The following URB2 variants were observed in gnomAD, a reference collection of about 807,000 sequenced individuals.
The protein encoded by URB2 is unhealthy ribosome biogenesis protein 2 homolog.
URB2 carries 86 observed loss-of-function variants against 120.9 expected under a neutral mutation model. That is an observed-to-expected ratio of 0.71 (90% CI 0.60 to 0.85). URB2 has a LOEUF of 0.85. Ranked by LOEUF, URB2 falls within the 40% of genes least tolerant of loss-of-function variation. URB2 has a pLI of 0.00. For missense variants in URB2, 1,765 were observed against 1,836.5 expected, an observed-to-expected ratio of 0.96 and a Z score of 0.71; for synonymous variants, 755 against 758.4, an observed-to-expected ratio of 1.00 and a Z score of 0.07.
chr1:229,637,075 G>T lies in URB2; in HGVS notation c.2462G>T (p.Ser821Ile). 1 of 1,613,972 alleles carries T rather than the reference G, an allele frequency of 6.2e-7. No individual in the cohort carries two copies. Among genetic ancestry groups the T allele is most frequent in the African/African-American group, 1.3e-5 (1 of 75,052 alleles). Reference protein sequence around the residue: ...FLTCVTTSCSSILCSGAQRDS... With the variant: ...FLTCVTTSCSIILCSGAQRDS... ...ACGTGCGTAACCACAAGTTGCTCCA[G>T]CATTCTGTGTTCTGGTGCCCAGCGT... The change falls in exon 4 of 10, where the codon AGC becomes ATC. Residue 821 changes from serine (S) to isoleucine (I), a missense_variant. Coordinates refer to ENST00000258243, the MANE Select transcript of URB2 (RefSeq NM_014777.4).
chr1:229,635,032 C>T lies in URB2; in HGVS notation c.419C>T (p.Thr140Met), dbSNP rs150755656. Residue 140 changes from threonine to methionine, a missense_variant, in exon 4 of 10, where the codon ACG becomes ATG. Coordinates refer to ENST00000258243, the MANE Select transcript of URB2 (RefSeq NM_014777.4). ...LSTPALAVIYTAKQELMVALL... is the reference protein window; with the variant it reads ...LSTPALAVIYMAKQELMVALL... Reference sequence around the variant, plus strand: ...ACACCTGCCCTGGCTGTCATCTACACGGCCAAACAGGAGCTGATGGTGGCC... The same window carrying T: ...ACACCTGCCCTGGCTGTCATCTACATGGCCAAACAGGAGCTGATGGTGGCC... 8.4e-5 allele frequency: 135 copies of T among 1,613,984 alleles called. No homozygotes were observed. The highest frequency in any genetic ancestry group is 1.0e-4 in the Non-Finnish European group (122 of 1,179,970).
In URB2 at chr1:229,632,288, G is replaced by T; in HGVS notation, c.146G>T (p.Arg49Ile). 6.4e-7 allele frequency: 1 copy of T among 1,570,734 alleles called. No homozygotes were observed. The highest frequency in any genetic ancestry group is 1.2e-5 in the South Asian group (1 of 80,914). Residue 49 changes from arginine to isoleucine, a missense_variant, in exon 3 of 10, where the codon AGA (arginine) becomes ATA (isoleucine). Coordinates refer to ENST00000258243, the MANE Select transcript of URB2 (RefSeq NM_014777.4). ...ATTCAGGTGTTACTTGATTGGGCAA[G>T]ACAATCATTGGTTGCATTTTATAAG... ...NKEQVLLDWA[R>I]QSLVAFYKKK...
rs1334464495 is a variant in URB2 at position 229,637,815 on chromosome 1, G to T, written c.3202G>T (p.Gly1068Ter). The change falls in exon 4 of 10, where the codon GGA becomes TGA. Residue 1068 changes from glycine to a stop codon, truncating the protein, a stop_gained. Transcript: ENST00000258243. LOFTEE classifies it high-confidence loss of function. The part of the protein sequence containing the change: ...VSLTRLCHVL[G>*]PFLKEQKLGQ... ...TTTAACCAGGTTGTGCCATGTCCTG[G>T]GACCTTTCCTCAAAGAGCAGAAGCT... The T allele has an allele frequency of 1.9e-6, 3 of 1,611,510 alleles. No homozygotes were observed. The highest frequency in any genetic ancestry group is 1.7e-5 in the Admixed American group (1 of 59,386).
At position 229,647,620 on chromosome 1, in the gene URB2, C is replaced by A; in HGVS notation, c.4017C>A (p.Asn1339Lys). 3 of 1,614,190 alleles carry A rather than the reference C, an allele frequency of 1.9e-6. No individual in the cohort carries two copies. Among genetic ancestry groups the A allele is most frequent in the Non-Finnish European group, 2.5e-6 (3 of 1,180,038 alleles). ...LLRQGEEAIG[N>K]PHHVSLAFSI... ...GGCAGGGGGAGGAGGCCATCGGCAA[C>A]CCCCACCACGTCAGCCTGGCCTTCA... Residue 1339 changes from asparagine to lysine, a missense_variant, in exon 7 of 10, where the codon AAC (asparagine) becomes AAA (lysine). Coordinates refer to ENST00000258243, the MANE Select transcript of URB2 (RefSeq NM_014777.4).
In URB2 at chr1:229,647,429, C is replaced by T. The variant is rs1037825061; in HGVS notation, c.3907-81C>T. The T allele has an allele frequency of 8.0e-6, 12 of 1,509,380 alleles. No individual in the cohort carries two copies. In the African/African-American group the frequency reaches 1.7e-4, roughly 21 times the overall value. 93.5% of individuals were successfully genotyped at this position (1,509,380 alleles called of 1,614,324 possible). ...TTTTGGAGCACAGACATTTCTACCT[C>T]AGTCACTCAGAGCTGCAGTGTTTGT... On this transcript the variant is annotated intron_variant, in intron 6 of 9. Transcript: ENST00000258243.
At chr1:229,648,065 C>G (rs553475893) in intron 7 of URB2, among the ~76,000 whole-genome samples, 1 of 152,278 alleles carries the variant, frequency 6.6e-6, no homozygotes, top group African/African-American at 2.4e-5. Context: ...AGAGTGCTGA[C>G]ATCATGCTAC....
At position 229,626,258 on chromosome 1, in the gene URB2, TC is replaced by T. The variant is rs1192205582; in HGVS notation, c.-110del. 6.6e-6 allele frequency: 1 copy of T among 152,372 alleles called. No individual in the cohort carries two copies. The highest frequency in any genetic ancestry group is 1.5e-5 in the Non-Finnish European group (1 of 68,576). 9.4% of individuals were successfully genotyped at this position (152,372 alleles called of 1,614,324 possible). On this transcript the variant is annotated 5_prime_UTR_variant, in exon 1 of 10. Coordinates refer to ENST00000258243, the MANE Select transcript of URB2 (RefSeq NM_014777.4). Reference sequence around the variant, plus strand: ...GGGACGCGGGACCCGTACAGCGGCCTCCGCCGCACCGGGACAGCAGCCGCCG... The same window carrying T: ...GGGACGCGGGACCCGTACAGCGGCCTCGCCGCACCGGGACAGCAGCCGCCG...
chr1:229,647,071 T>C (rs1666163435), intron 6 of URB2, among the ~76,000 whole-genome samples: 1 of 152,114 alleles, frequency 6.6e-6, no homozygotes, highest in Non-Finnish European at 1.5e-5. Flanking sequence ...TGATGATGCG[T>C]GTGGTAGGCC....
intron 1 of URB2, among the ~76,000 whole-genome samples, 173 bp downstream of exon 1, chr1:229,626,529 C>G (rs1467512): frequency 0.56 from 85,530 of 152,268 alleles, 24,308 homozygotes; most frequent in East Asian, 0.77. Context: ...GGAGCGGCTT[C>G]GGCACGCTCC....
Position 229,629,185 on chromosome 1 carries a change from C to T in URB2, c.126+1426C>T, listed in dbSNP as rs149917617. Among the ~76,000 whole-genome samples the T allele has an allele frequency of 3.3e-3, 508 of 152,308 alleles. 2 individuals are homozygous for T. Among genetic ancestry groups the T allele is most frequent in the Non-Finnish European group, 5.6e-3 (379 of 68,026 alleles). On this transcript the variant is annotated intron_variant, in intron 2 of 9. Coordinates refer to ENST00000258243, the MANE Select transcript of URB2 (RefSeq NM_014777.4). ...AACCTGTATAGATAGGCACAGTCCTCCTTTTCATAAAGCACTTGTATGATT... is the reference window on the plus strand; with the variant it reads ...AACCTGTATAGATAGGCACAGTCCTTCTTTTCATAAAGCACTTGTATGATT...
Position 229,634,995 on chromosome 1 carries a change from G to C in URB2, c.382G>C (p.Gly128Arg). 1 of 1,607,770 alleles carries C rather than the reference G, an allele frequency of 6.2e-7. No homozygotes were observed. Among genetic ancestry groups the C allele is most frequent in the Non-Finnish European group, 8.5e-7 (1 of 1,175,910 alleles). ...NICAVLRCCQ[G>R]ILSTPALAVI... ...CTGTGCTGTCCTTCGATGTTGCCAG[G>C]GCATCCTGTCGACACCTGCCCTGGC... Residue 128 changes from glycine (G) to arginine (R), a missense_variant, in exon 4 of 10, where the codon GGC (glycine) becomes CGC (arginine). Transcript: ENST00000258243.
chr1:229,640,503 C>T (rs1665978725), intron 4 of URB2, among the ~76,000 whole-genome samples: 1 of 152,014 alleles, frequency 6.6e-6, no homozygotes, highest in Admixed American at 6.5e-5. Context: ...GAGGTGAGGT[C>T]TGGAAGTCAG....
chr1:229,632,176 G>T, intron 2 of URB2, 93 bp from the exon 3 acceptor site: 937 of 904,906 alleles, frequency 1.0e-3, no homozygotes, highest in Non-Finnish European at 1.2e-3. Flanking sequence ...CGTGGCAATT[G>T]GATTTGCTTA....
chr1:229,647,585 G>T lies in URB2; in HGVS notation c.3982G>T (p.Ala1328Ser). The T allele has an allele frequency of 6.2e-7, 1 of 1,614,234 alleles. No individual in the cohort carries two copies. The highest frequency in any genetic ancestry group is 8.5e-7 in the Non-Finnish European group (1 of 1,180,048). The change falls in exon 7 of 10, where the codon GCA (alanine) becomes TCA (serine). Residue 1328 changes from alanine (A) to serine (S), a missense_variant. Coordinates refer to ENST00000258243, the MANE Select transcript of URB2 (RefSeq NM_014777.4). ...VVGPVLDVLA[A>S]LLRQGEEAIG... ...CGGGCCTGTCTTAGATGTCCTGGCT[G>T]CACTGCTGCGGCAGGGGGAGGAGGC...
intron 1 of URB2, among the ~76,000 whole-genome samples, chr1:229,626,646 C>T (rs888727784): frequency 4.6e-5 from 7 of 152,248 alleles, no homozygotes; most frequent in Non-Finnish European, 8.8e-5. Flanking sequence ...GTGCTGTCCG[C>T]CCTGGACTTC....
At chr1:229,639,811 C>T (rs564126048) in intron 4 of URB2, among the ~76,000 whole-genome samples, 1 of 152,270 alleles carries the variant, frequency 6.6e-6, no homozygotes, top group South Asian at 2.1e-4. Context: ...GCCTTCCAAG[C>T]AGCAAACTAG....
Position 229,637,340 on chromosome 1 carries a change from C to T in URB2, c.2727C>T (p.Leu909=). 6 of 1,614,220 alleles carry T rather than the reference C, an allele frequency of 3.7e-6. No homozygotes were observed. The highest frequency in any genetic ancestry group is 1.1e-5 in the South Asian group (1 of 91,080). Residue 909 remains leucine (L), a synonymous_variant, in exon 4 of 10, where the codon CTC becomes CTT. Coordinates refer to ENST00000258243, the MANE Select transcript of URB2 (RefSeq NM_014777.4). ...EVISALQLDS[L]LPPYHVHYFL... is the part of the protein sequence containing the mutation. The stretch of plus-strand genomic sequence containing the variant: ...TTTCTGCCTTACAGCTGGACAGCCT[C>T]TTGCCACCCTATCATGTGCATTATT...
rs768224238 is a variant in URB2 at position 229,635,445 on chromosome 1, A to T, written c.832A>T (p.Met278Leu). The T allele has an allele frequency of 6.2e-7, 1 of 1,613,542 alleles. No homozygotes were observed. Among genetic ancestry groups the T allele is most frequent in the African/African-American group, 1.3e-5 (1 of 74,932 alleles). ...TGAMKNLLAP[M>L]DTVLNRLVDA... ...AGCCATGAAGAACCTTCTGGCTCCCATGGACACCGTGCTTAACAGGCTGGT... is the reference window on the plus strand; with the variant it reads ...AGCCATGAAGAACCTTCTGGCTCCCTTGGACACCGTGCTTAACAGGCTGGT... Residue 278 changes from methionine (M) to leucine (L), a missense_variant, in exon 4 of 10, where the codon ATG becomes TTG. Coordinates refer to ENST00000258243, the MANE Select transcript of URB2 (RefSeq NM_014777.4).
chr1:229,656,189 A>G (rs1049963078), intron 9 of URB2, among the ~76,000 whole-genome samples: 2 of 152,246 alleles, frequency 1.3e-5, no homozygotes, highest in Non-Finnish European at 2.9e-5. Flanking sequence ...CAAGCACACC[A>G]GTCGTTAACA....
Sources: allele counts gnomAD v4.1 joint callset (sites outside exome capture counted in the v4.1 genomes callset), GRCh38; gene constraint gnomAD v4.1.1; transcripts MANE v1.5; gene names NCBI Gene and HGNC (gene_info 2026-07-23, HGNC 2026-07-21).